Variants in KHDRBS3 observed in about 807,000 individuals in gnomAD.
The protein encoded by KHDRBS3 is KH RNA binding domain containing, signal transduction associated 3.
Under a neutral mutation model 45.6 loss-of-function variants are expected in KHDRBS3, and 23 were observed. That is an observed-to-expected ratio of 0.50 (90% CI 0.36 to 0.72). KHDRBS3 has a LOEUF of 0.72. Ranked by LOEUF, KHDRBS3 falls within the 30% of genes least tolerant of loss-of-function variation. KHDRBS3 has a pLI of 0.00. For synonymous variants in KHDRBS3, 162 were observed against 156.5 expected, an observed-to-expected ratio of 1.04 and a Z score of -0.26; for missense variants, 352 against 424.8, an observed-to-expected ratio of 0.83 and a Z score of 1.51.
intron 1 of KHDRBS3, among the ~76,000 whole-genome samples, chr8:135,505,302 C>T (rs1449814251): frequency 6.6e-6 from 1 of 152,130 alleles, no homozygotes; most frequent in Non-Finnish European, 1.5e-5. Context: ...AAGTGATTTG[C>T]CAGAGGTTCT....
chr8:135,469,517 G>T (rs3933748), intron 1 of KHDRBS3, among the ~76,000 whole-genome samples: 10,941 of 30,334 alleles, frequency 0.36, 760 homozygotes, highest in East Asian at 0.53. Flanking sequence ...TTTTTTTTTT[G>T]TTTTGGTTTT....
intron 1 of KHDRBS3, among the ~76,000 whole-genome samples, chr8:135,462,580 T>A (rs1396779875): frequency 6.6e-6 from 1 of 152,206 alleles, no homozygotes; most frequent in African/African-American, 2.4e-5. Context: ...TTAGATTTAC[T>A]GTTAATAAAT....
At chr8:135,595,424 G>A (rs1375612526) in intron 6 of KHDRBS3, among the ~76,000 whole-genome samples, 3 of 152,146 alleles carry the variant, frequency 2.0e-5, no homozygotes, top group Admixed American at 1.3e-4. Context: ...TAAGAGAATT[G>A]ATTAGACTAA....
chr8:135,460,067 A>C (rs1821354554), intron 1 of KHDRBS3, among the ~76,000 whole-genome samples: 1 of 152,226 alleles, frequency 6.6e-6, no homozygotes, highest in South Asian at 2.1e-4. Context: ...AACATTAATT[A>C]CACGCTTATG....
At chr8:135,594,059 G>A (rs1327048384) in intron 6 of KHDRBS3, among the ~76,000 whole-genome samples, 1 of 152,108 alleles carries the variant, frequency 6.6e-6, no homozygotes, top group Non-Finnish European at 1.5e-5. Context: ...AAGAATTTTG[G>A]TGATGTCCAT....
At chr8:135,536,126 G>T (rs1012227560) in intron 2 of KHDRBS3, among the ~76,000 whole-genome samples, 5 of 151,578 alleles carry the variant, frequency 3.3e-5, no homozygotes, top group African/African-American at 1.2e-4. Context: ...CACCCCAGAT[G>T]AGCAAATGCT....
chr8:135,642,170 G>T (rs187727846), intron 7 of KHDRBS3, among the ~76,000 whole-genome samples: 2 of 152,326 alleles, frequency 1.3e-5, no homozygotes, highest in East Asian at 3.9e-4. Context: ...GAAGAGCAAA[G>T]GCCATGTCAA....
intron 3 of KHDRBS3, among the ~76,000 whole-genome samples, chr8:135,543,562 C>T (rs530498243): frequency 1.3e-5 from 2 of 152,222 alleles, no homozygotes; most frequent in African/African-American, 2.4e-5. Flanking sequence ...GCTATCTAAA[C>T]AATAGCTTTT....
chr8:135,511,760 G>GT (rs1824299007), intron 1 of KHDRBS3, among the ~76,000 whole-genome samples: 1 of 152,040 alleles, frequency 6.6e-6, no homozygotes, highest in South Asian at 2.1e-4. Flanking sequence ...GTGTTTCACC[G>GT]TGTTAGCCAG....
chr8:135,505,551 A>G (rs1193445378), intron 1 of KHDRBS3, among the ~76,000 whole-genome samples: 2 of 152,148 alleles, frequency 1.3e-5, no homozygotes, highest in South Asian at 4.1e-4. Flanking sequence ...TTTAGCAGAG[A>G]GGATTGAATA....
At chr8:135,625,323 A>G in intron 7 of KHDRBS3, 9 of 1,082,720 alleles carry the variant, frequency 8.3e-6, no homozygotes, top group South Asian at 3.7e-5. Flanking sequence ...TCAATGTTCT[A>G]TAGCTTTCCG....
intron 7 of KHDRBS3, among the ~76,000 whole-genome samples, chr8:135,611,479 G>T (rs1829703154): frequency 6.6e-6 from 1 of 151,852 alleles, no homozygotes; most frequent in Non-Finnish European, 1.5e-5. Context: ...GTGAAGAAAT[G>T]GTTCTATGCA....
In KHDRBS3 at chr8:135,570,313, T is replaced by C. The variant is rs1275954616; in HGVS notation, c.612-11565T>C. On this transcript the variant is annotated intron_variant, in intron 5 of 8. Coordinates refer to ENST00000355849, the MANE Select transcript of KHDRBS3 (RefSeq NM_006558.3). ...TAGAAAAGTTACAAGATATTATCTT[T>C]AAAATTGATTAAGAATATTATAGAT... is the stretch of plus-strand genomic sequence containing the variant. 2.0e-5 allele frequency among the ~76,000 whole-genome samples: 3 copies of C among 152,220 alleles called. No homozygotes were observed. The South Asian group carries it at 6.2e-4, about 32-fold the overall frequency.
chr8:135,539,202 C>A (rs1330855020), intron 2 of KHDRBS3: 1 of 152,194 alleles, frequency 6.6e-6, no homozygotes, highest in Non-Finnish European at 1.5e-5. Flanking sequence ...TTGTGACAAC[C>A]AAATAAACAT....
At chr8:135,482,544 A>C (rs1822634745) in intron 1 of KHDRBS3, among the ~76,000 whole-genome samples, 5 of 152,214 alleles carry the variant, frequency 3.3e-5, no homozygotes, top group Admixed American at 2.0e-4. Context: ...ATGCTTCTGC[A>C]GACCCAAATG....
chr8:135,475,381 G>A (rs914572978), intron 1 of KHDRBS3, among the ~76,000 whole-genome samples: 12 of 145,482 alleles, frequency 8.2e-5, no homozygotes, highest in African/African-American at 2.3e-4. Flanking sequence ...TGTAGATCTC[G>A]GCTCACGGCA....
chr8:135,614,920 G>A (rs891804906), intron 7 of KHDRBS3, among the ~76,000 whole-genome samples: 8 of 151,798 alleles, frequency 5.3e-5, no homozygotes, highest in Admixed American at 5.2e-4. Context: ...TGGCAAGTGG[G>A]AATTCGTAGC....
At chr8:135,553,921 G>A (rs184303867) in intron 4 of KHDRBS3, among the ~76,000 whole-genome samples, 30 of 152,238 alleles carry the variant, frequency 2.0e-4, no homozygotes, top group African/African-American at 7.0e-4. Context: ...AAATAAGTTA[G>A]TCTGTAAGCT....
chr8:135,652,674 A>G (rs1831453825), intron 4 of KHDRBS3, among the ~76,000 whole-genome samples: 1 of 152,206 alleles, frequency 6.6e-6, no homozygotes, highest in Non-Finnish European at 1.5e-5. Context: ...CAGACTTCCC[A>G]GTGGAGCTTG....
Sources: gnomAD v4.1 joint callset for allele counts (sites outside exome capture counted in the v4.1 genomes callset) on GRCh38, gnomAD v4.1.1 for gene constraint, MANE v1.5 for transcripts, NCBI Gene and HGNC (gene_info 2026-07-23, HGNC 2026-07-21) for gene names.